Variants in WDFY4 observed in about 807,000 individuals in gnomAD.
WDFY4 encodes WDFY family member 4.
A neutral mutation model predicts 351.9 loss-of-function variants in WDFY4; 169 were observed. That is an observed-to-expected ratio of 0.48 (90% CI 0.42 to 0.55). The LOEUF (loss-of-function observed/expected upper bound fraction) is 0.55. Ranked by LOEUF, WDFY4 falls within the 20% of genes least tolerant of loss-of-function variation. WDFY4 has a pLI of 0.00. For missense variants in WDFY4, 3,803 were observed against 3,935.6 expected, an observed-to-expected ratio of 0.97 and a Z score of 0.90; for synonymous variants, 1,622 against 1,574.6, an observed-to-expected ratio of 1.03 and a Z score of -0.71.
chr10:48,742,034 T>G (rs558562314), intron 11 of WDFY4, among the ~76,000 whole-genome samples: 1 of 152,334 alleles, frequency 6.6e-6, no homozygotes, highest in African/African-American at 2.4e-5. Context: ...ACTGCTTAAA[T>G]GTAGCCCCCC....
At chr10:48,974,139 G>A (rs1041936259) in intron 57 of WDFY4, among the ~76,000 whole-genome samples, 3 of 152,128 alleles carry the variant, frequency 2.0e-5, no homozygotes, top group African/African-American at 7.2e-5. Context: ...CATTCTAAGA[G>A]GCTACTTGCT....
At chr10:48,801,701 A>C (rs947727748) in intron 24 of WDFY4, among the ~76,000 whole-genome samples, 1 of 152,112 alleles carries the variant, frequency 6.6e-6, no homozygotes, top group Non-Finnish European at 1.5e-5. Flanking sequence ...TTTTGTATCC[A>C]CTCATTCTTT....
intron 1 of WDFY4, among the ~76,000 whole-genome samples, chr10:48,686,155 A>G (rs1485135247): frequency 6.6e-6 from 1 of 152,014 alleles, no homozygotes; most frequent in Non-Finnish European, 1.5e-5. Flanking sequence ...CTATTCTTTC[A>G]TGAACTTGGA....
chr10:48,975,066 C>T lies in WDFY4; in HGVS notation c.9108+25C>T, dbSNP rs114010718. 4,716 of 1,551,648 alleles carry T rather than the reference C, an allele frequency of 3.0e-3. 132 individuals are homozygous for T. In the African/African-American group the frequency reaches 0.056, roughly 19 times the overall value. On this transcript the variant is annotated intron_variant, in intron 58 of 61. Transcript: ENST00000325239. ...AGTAAGTCTCCTGTTTCTCAGTGTC[C>T]GTGTCCTCACCTTCGCAGTAGCATG...
chr10:48,981,771 G>A (rs1188057749), intron 61 of WDFY4, among the ~76,000 whole-genome samples: 2 of 152,214 alleles, frequency 1.3e-5, no homozygotes, highest in African/African-American at 4.8e-5. Flanking sequence ...ATATTGTTTT[G>A]TAATTTTATC....
At chr10:48,790,520 G>T (rs2066642029) in intron 22 of WDFY4, among the ~76,000 whole-genome samples, 1 of 152,202 alleles carries the variant, frequency 6.6e-6, no homozygotes, top group Non-Finnish European at 1.5e-5. Flanking sequence ...TGATGGCAAA[G>T]AAATGACTTA....
intron 18 of WDFY4, among the ~76,000 whole-genome samples, chr10:48,779,739 C>T (rs2066156902): frequency 1.3e-5 from 2 of 152,222 alleles, no homozygotes; most frequent in South Asian, 4.1e-4. Context: ...ATATTTGTAA[C>T]ATGCTTAAAA....
rs1479186258 is a variant in WDFY4, at chr10:48,982,853, T to C, written c.*278T>C. The C allele has an allele frequency of 1.0e-5, 5 of 501,982 alleles. No homozygotes were observed. The highest frequency in any genetic ancestry group is 2.0e-5 in the Non-Finnish European group (5 of 253,380). The allele number at this position is 501,982 out of a possible 1,614,324, so 31.1% of individuals were successfully genotyped here. On this transcript the variant is annotated 3_prime_UTR_variant, in exon 62 of 62. Coordinates refer to ENST00000325239, the MANE Select transcript of WDFY4 (RefSeq NM_001394531.1). ...AGCTGCACACGAAATTACACATGACTCACCTTATTAAGGGCTATTGCACTG... is the reference window on the plus strand; with the variant it reads ...AGCTGCACACGAAATTACACATGACCCACCTTATTAAGGGCTATTGCACTG...
chr10:48,867,466 G>A, intron 40 of WDFY4, 124 bp downstream of exon 40: 2 of 502,604 alleles, frequency 4.0e-6, no homozygotes, highest in African/African-American at 2.0e-5. Context: ...CCATGTTGGG[G>A]TTTTGCATTT....
chr10:48,938,905 C>A (rs989012055), intron 47 of WDFY4, among the ~76,000 whole-genome samples: 37 of 152,298 alleles, frequency 2.4e-4, no homozygotes, highest in African/African-American at 8.7e-4. Context: ...GATGTGATGT[C>A]CCCTGTATGT....
At chr10:48,693,285 G>A (rs912230061) in intron 1 of WDFY4, among the ~76,000 whole-genome samples, 1 of 152,136 alleles carries the variant, frequency 6.6e-6, no homozygotes, top group Non-Finnish European at 1.5e-5. Flanking sequence ...GTGGAGGGGA[G>A]CCTGGAGGCA....
chr10:48,805,945 A>T, intron 26 of WDFY4, 59 bp from the exon 27 acceptor site: 1 of 1,438,754 alleles, frequency 7.0e-7, no homozygotes. Flanking sequence ...ACTGGCATGT[A>T]CTCAGCGGAC....
rs1280065770 is a variant in WDFY4, at chr10:48,978,335, G to T, written c.9318G>T (p.Met3106Ile). Residue 3106 changes from methionine (M) to isoleucine (I), a missense_variant, in exon 60 of 62, where the codon ATG becomes ATT. This residue lies in a region of WDFY4 where 3,054 missense variants were observed against 3,148.6 expected (regional missense o/e 0.97). Coordinates refer to ENST00000325239, the MANE Select transcript of WDFY4 (RefSeq NM_001394531.1). Reference sequence around the variant, plus strand: ...TTTGGAAGACTGAGGATGTGAAGATGTCTGTTCCTGGACGGCCAGCAGGAG... The same window carrying T: ...TTTGGAAGACTGAGGATGTGAAGATTTCTGTTCCTGGACGGCCAGCAGGAG... ...VRVWKTEDVKMSVPGRPAGEE... is the reference protein window; with the variant it reads ...VRVWKTEDVKISVPGRPAGEE... 1.3e-6 allele frequency: 2 copies of T among 1,551,350 alleles called. No homozygotes were observed. The highest frequency in any genetic ancestry group is 4.9e-5 in the East Asian group (2 of 40,910).
chr10:48,759,673 C>A (rs947162300), intron 12 of WDFY4, among the ~76,000 whole-genome samples: 1 of 152,200 alleles, frequency 6.6e-6, no homozygotes, highest in East Asian at 1.9e-4. Flanking sequence ...TCCTTTCCTG[C>A]TCCTCAGACC....
chr10:48,904,497 G>C (rs527524264), intron 47 of WDFY4, among the ~76,000 whole-genome samples: 1 of 152,270 alleles, frequency 6.6e-6, no homozygotes, highest in South Asian at 2.1e-4. Flanking sequence ...AAAATGGTCT[G>C]GCTCCAGGCA....
chr10:48,737,358 A>T (rs1414340421), intron 11 of WDFY4, among the ~76,000 whole-genome samples: 1 of 149,270 alleles, frequency 6.7e-6, no homozygotes, highest in Admixed American at 6.7e-5. Flanking sequence ...TTGGTGAATT[A>T]AAAAAAAAAG....
intron 40 of WDFY4, among the ~76,000 whole-genome samples, chr10:48,869,663 C>G (rs2069687624): frequency 6.6e-6 from 1 of 152,040 alleles, no homozygotes; most frequent in African/African-American, 2.4e-5. Context: ...CCCAGCCTCT[C>G]TTGCTCTGTC....
chr10:48,775,914 T>C (rs1288425216), intron 15 of WDFY4, 108 bp downstream of exon 15: 13 of 1,023,246 alleles, frequency 1.3e-5, no homozygotes, highest in Non-Finnish European at 1.9e-5. Flanking sequence ...GGTTTAAACA[T>C]GGTTTTGTCT....
chr10:48,740,323 A>G (rs2064812521), intron 11 of WDFY4, among the ~76,000 whole-genome samples: 2 of 152,212 alleles, frequency 1.3e-5, no homozygotes, highest in Non-Finnish European at 2.9e-5. Flanking sequence ...CAAAACCACC[A>G]CACACACGTC....
Sources: allele counts gnomAD v4.1 joint callset (sites outside exome capture counted in the v4.1 genomes callset), GRCh38; gene constraint gnomAD v4.1.1; regional missense constraint gnomAD v4.1.1; transcripts MANE v1.5; gene names NCBI Gene and HGNC (gene_info 2026-07-23, HGNC 2026-07-21).